Variants in CAMKMT observed in about 807,000 individuals in gnomAD.
CAMKMT encodes calmodulin-lysine N-methyltransferase.
Under a neutral mutation model 48.0 loss-of-function variants are expected in CAMKMT, and 53 were observed. The observed-to-expected ratio is 1.10, with a 90% CI of 0.89 to 1.39. The LOEUF (loss-of-function observed/expected upper bound fraction) is 1.39, where lower values mean the gene tolerates loss of function less well. Among genes scored for constraint, CAMKMT ranks in the 40% most tolerant of loss-of-function variants. The probability of loss-of-function intolerance (pLI) is 0.00; values close to 1 mark genes in which losing one functional copy is unlikely to be tolerated. For missense variants in CAMKMT, 428 were observed against 402.7 expected, an observed-to-expected ratio of 1.06 and a Z score of -0.54; for synonymous variants, 165 against 152.3, an observed-to-expected ratio of 1.08 and a Z score of -0.61.
chr2:44,725,769 G>A (rs1487689686), intron 7 of CAMKMT, among the ~76,000 whole-genome samples: 1 of 152,062 alleles, frequency 6.6e-6, no homozygotes, highest in Non-Finnish European at 1.5e-5. Context: ...CATCACACTG[G>A]GGTGAAAGGG....
intron 3 of CAMKMT, among the ~76,000 whole-genome samples, chr2:44,702,554 G>A (rs1041096002): frequency 2.0e-5 from 3 of 152,160 alleles, no homozygotes; most frequent in African/African-American, 7.2e-5. Flanking sequence ...GGATAGGCAG[G>A]TTAAGTAACC....
intron 3 of CAMKMT, among the ~76,000 whole-genome samples, chr2:44,416,152 G>T (rs527442559): frequency 2.0e-5 from 3 of 152,170 alleles, no homozygotes; most frequent in Admixed American, 6.5e-5. Context: ...ACATACCTAC[G>T]TAACAATGTT....
chr2:44,445,645 GTTTTTTTTTTTTTTTTTTTTT>G (rs869258613), intron 3 of CAMKMT, among the ~76,000 whole-genome samples: 1,764 of 101,438 alleles, frequency 0.017, 248 homozygotes, highest in South Asian at 0.075. Flanking sequence ...CAAAAGGGTA[GTTTTTTTTTTTTTTTTTTTTT>G]TTTTTTTTTT....
At chr2:44,432,465 A>C (rs554456159) in intron 3 of CAMKMT, among the ~76,000 whole-genome samples, 1 of 152,340 alleles carries the variant, frequency 6.6e-6, no homozygotes, top group Admixed American at 6.5e-5. Flanking sequence ...CCTGGGTCTC[A>C]GAAGAGAATA....
rs1174344846 is a variant in CAMKMT, at chr2:44,627,697, C to CTTTTTTTTTTTTTTTTTT, written c.377-76573_377-76556dup. Among the ~76,000 whole-genome samples, 40 of 75,096 alleles carry CTTTTTTTTTTTTTTTTTT rather than the reference C, an allele frequency of 5.3e-4. 10 individuals carry two copies. The highest frequency in any genetic ancestry group is 8.1e-4 in the Non-Finnish European group (34 of 41,772). 49.3% of individuals were successfully genotyped at this position (75,096 alleles called of 152,430 possible). On this transcript the variant is annotated intron_variant, in intron 3 of 10. Coordinates refer to ENST00000378494, the MANE Select transcript of CAMKMT (RefSeq NM_024766.5). Reference sequence around the variant, plus strand: ...TTATTTATAATGGTCCCATTTTATCCTTTTTTTTTTTTTTTTTTTTTTTTT... The same window carrying CTTTTTTTTTTTTTTTTTT: ...TTATTTATAATGGTCCCATTTTATCCTTTTTTTTTTTTTTTTTTTTTTTTTTTTTTTTTTTTTTTTTTT...
At chr2:44,617,727 T>C (rs1191725450) in intron 3 of CAMKMT, among the ~76,000 whole-genome samples, 1 of 152,224 alleles carries the variant, frequency 6.6e-6, no homozygotes, top group East Asian at 1.9e-4. Context: ...GAAAACCACT[T>C]AAATGAAGAG....
chr2:44,591,764 G>A (rs1336482823), intron 3 of CAMKMT, among the ~76,000 whole-genome samples: 7 of 151,408 alleles, frequency 4.6e-5, no homozygotes, highest in Non-Finnish European at 8.8e-5. Context: ...ACATGCACAC[G>A]TATGTTTATT....
rs529394183 is a variant in CAMKMT at position 44,436,673 on chromosome 2, T to C, written c.376+46368T>C. 3.3e-5 allele frequency among the ~76,000 whole-genome samples: 5 copies of C among 152,242 alleles called. No individual in the cohort carries two copies. The South Asian group carries it at 8.3e-4, about 25-fold the overall frequency. On this transcript the variant is annotated intron_variant, in intron 3 of 10. Transcript: ENST00000378494. ...CCAGATTTGACCAAAAGTACTTAGTTTGCCAACCTCAGATTTAGGACTGTG... is the reference window on the plus strand; with the variant it reads ...CCAGATTTGACCAAAAGTACTTAGTCTGCCAACCTCAGATTTAGGACTGTG...
At chr2:44,484,959 G>A (rs888616904) in intron 3 of CAMKMT, among the ~76,000 whole-genome samples, 2 of 152,036 alleles carry the variant, frequency 1.3e-5, no homozygotes, top group Non-Finnish European at 2.9e-5. Flanking sequence ...CCGATAAACA[G>A]AAAAAGATAC....
chr2:44,704,425 T>A, intron 4 of CAMKMT, 82 bp downstream of exon 4: 1 of 893,812 alleles, frequency 1.1e-6, no homozygotes. Flanking sequence ...ATTATATTCT[T>A]CAAATTAAAT....
chr2:44,409,090 T>A, intron 3 of CAMKMT, among the ~76,000 whole-genome samples: 1 of 714 alleles, frequency 1.4e-3, no homozygotes, highest in African/African-American at 4.5e-3. Flanking sequence ...GATATATATA[T>A]ATATATATAT....
intron 3 of CAMKMT, among the ~76,000 whole-genome samples, chr2:44,505,043 C>G (rs1057445170): frequency 5.3e-5 from 8 of 152,054 alleles, no homozygotes; most frequent in African/African-American, 1.9e-4. Flanking sequence ...ACAACTAGCT[C>G]TCACTGAATC....
intron 9 of CAMKMT, 120 bp from the exon 10 acceptor site, chr2:44,766,310 T>G: frequency 1.5e-5 from 16 of 1,038,550 alleles, no homozygotes; most frequent in Non-Finnish European, 2.3e-5. Context: ...TGCATAGACA[T>G]CTCAAGAACA....
intron 3 of CAMKMT, among the ~76,000 whole-genome samples, chr2:44,544,407 T>TGAATAC (rs1371248247): frequency 6.6e-6 from 1 of 152,292 alleles, no homozygotes; most frequent in East Asian, 1.9e-4. Context: ...GAGTTACAAA[T>TGAATAC]GAATACAGTG....
intron 3 of CAMKMT, among the ~76,000 whole-genome samples, chr2:44,425,783 T>G (rs1433826431): frequency 6.6e-6 from 1 of 151,594 alleles, no homozygotes; most frequent in Non-Finnish European, 1.5e-5. Flanking sequence ...CAGGCTGGAG[T>G]GCAATAGCAT....
Position 44,653,429 on chromosome 2 carries a change from C to T in CAMKMT, c.377-50854C>T, listed in dbSNP as rs555841316. 3.3e-5 allele frequency among the ~76,000 whole-genome samples: 5 copies of T among 152,256 alleles called. No homozygotes were observed. The highest frequency in any genetic ancestry group is 1.2e-4 in the African/African-American group (5 of 41,562). On this transcript the variant is annotated intron_variant, in intron 3 of 10. Coordinates refer to ENST00000378494, the MANE Select transcript of CAMKMT (RefSeq NM_024766.5). This position sits in a 1 kb window ranked among gnomAD's most constrained non-coding sequence, Gnocchi z 5.2. ...CGCAGACTTTTAGAATTGGAAGGAACATTAGATATAGTTTTATCTCATTGA... is the reference window on the plus strand; with the variant it reads ...CGCAGACTTTTAGAATTGGAAGGAATATTAGATATAGTTTTATCTCATTGA...
intron 3 of CAMKMT, among the ~76,000 whole-genome samples, chr2:44,672,207 T>C (rs1675370599): frequency 6.6e-6 from 1 of 152,144 alleles, no homozygotes; most frequent in Non-Finnish European, 1.5e-5. Flanking sequence ...GGATGTATAA[T>C]GGGGAGATAG....
At chr2:44,624,597 A>C (rs944076697) in intron 3 of CAMKMT, among the ~76,000 whole-genome samples, 7 of 151,966 alleles carry the variant, frequency 4.6e-5, no homozygotes, top group African/African-American at 1.7e-4. Flanking sequence ...TTGTCCTTGC[A>C]GTAGTTTGCT....
Position 44,553,722 on chromosome 2 carries a change from T to A in CAMKMT, c.377-150561T>A, listed in dbSNP as rs563581491. ...ACTGGCATTTCCTCTCTGTGACTAA[T>A]CAGCATTAGATGGGAAGATAGTCAA... On this transcript the variant is annotated intron_variant, in intron 3 of 10. Transcript: ENST00000378494. Among the ~76,000 whole-genome samples, 6 of 152,322 alleles carry A rather than the reference T, an allele frequency of 3.9e-5. No homozygotes were observed. The South Asian group carries it at 1.2e-3, about 32-fold the overall frequency.
Sources: gnomAD v4.1 joint callset for allele counts (sites outside exome capture counted in the v4.1 genomes callset) on GRCh38, gnomAD v4.1.1 for gene constraint, Gnocchi (gnomAD v3.1) non-coding constraint, MANE v1.5 for transcripts, NCBI Gene and HGNC (gene_info 2026-07-23, HGNC 2026-07-21) for gene names.